PITPNM2: variants seen among roughly 807,000 people sequenced by gnomAD.
The protein encoded by PITPNM2 is membrane-associated phosphatidylinositol transfer protein 2.
In PITPNM2, 35 loss-of-function variants were observed where a neutral mutation model predicts 132.2. The ratio of observed to expected loss-of-function variants is 0.26; its 90% CI spans 0.20 to 0.35. The LOEUF (loss-of-function observed/expected upper bound fraction) is 0.35. Among genes scored for constraint, PITPNM2 ranks in the 10% least tolerant of loss-of-function variants. The probability of loss-of-function intolerance (pLI) is 1.00; values close to 1 mark genes in which losing one functional copy is unlikely to be tolerated. For missense variants in PITPNM2, 1,332 were observed against 1,912.0 expected, an observed-to-expected ratio of 0.70 and a Z score of 5.66; for synonymous variants, 738 against 799.2, an observed-to-expected ratio of 0.92 and a Z score of 1.29.
Position 123,011,927 on chromosome 12 carries a change from G to T in PITPNM2, c.415+686C>A, listed in dbSNP as rs77958303. On this transcript the variant is annotated intron_variant, in intron 5 of 25. Coordinates refer to ENST00000320201, the MANE Select transcript of PITPNM2 (RefSeq NM_020845.3). ...AGACCCAGGAAATCCCAGCAGAGGTGGGGGGGTTGGGCCTGGAGCAGCTCC... is the reference window on the plus strand; with the variant it reads ...AGACCCAGGAAATCCCAGCAGAGGTTGGGGGGTTGGGCCTGGAGCAGCTCC... 4.6e-5 allele frequency among the ~76,000 whole-genome samples: 7 copies of T among 152,096 alleles called. No individual in the cohort carries two copies. In the East Asian group the frequency reaches 7.8e-4, roughly 17 times the overall value.
chr12:122,998,636 G>A (rs1414372134), intron 10 of PITPNM2, among the ~76,000 whole-genome samples: 1 of 152,236 alleles, frequency 6.6e-6, no homozygotes, highest in East Asian at 1.9e-4. Context: ...GAAGGGAGCT[G>A]AAGGGAGAGT....
intron 1 of PITPNM2, among the ~76,000 whole-genome samples, chr12:123,149,020 G>C (rs1484205154): frequency 6.6e-6 from 1 of 152,166 alleles, no homozygotes; most frequent in Non-Finnish European, 1.5e-5. Flanking sequence ...AGGAGAGGAG[G>C]CAGAAAAGGT....
At chr12:123,074,583 C>T (rs370806152) in intron 2 of PITPNM2, among the ~76,000 whole-genome samples, 1 of 152,058 alleles carries the variant, frequency 6.6e-6, no homozygotes, top group African/African-American at 2.4e-5. Flanking sequence ...GCAAACACAT[C>T]ACACACCTCA....
In PITPNM2 at chr12:122,995,370, G is replaced by T; in HGVS notation, c.2054+19C>A. ...TTCCCACACCCAGAGGCAAGCCCCA[G>T]CCCCCCAGCCCTGCCCACCTGGACA... is the stretch of plus-strand genomic sequence containing the variant. On this transcript the variant is annotated intron_variant, in intron 14 of 25. Transcript: ENST00000320201. The T allele has an allele frequency of 6.4e-7, 1 of 1,566,994 alleles. No individual in the cohort carries two copies.
chr12:123,020,779 T>C (rs2136320128), intron 3 of PITPNM2, among the ~76,000 whole-genome samples: 1 of 151,950 alleles, frequency 6.6e-6, no homozygotes, highest in South Asian at 2.1e-4. Flanking sequence ...TCCCAGCACT[T>C]TGGGAGGCTG....
intron 2 of PITPNM2, among the ~76,000 whole-genome samples, chr12:123,102,141 T>C (rs1790094): frequency 0.55 from 82,914 of 152,080 alleles, 27,140 homozygotes; most frequent in Non-Finnish European, 0.71. Context: ...TGCAAGGAAG[T>C]CCCCAGCAAG....
intron 19 of PITPNM2, 100 bp from the exon 20 acceptor site, chr12:122,988,450 TG>T (rs2038034171): frequency 1.9e-6 from 2 of 1,036,990 alleles, no homozygotes; most frequent in East Asian, 4.8e-5. Flanking sequence ...GAGGAGCCTG[TG>T]GGTTGTAGGG....
chr12:122,986,204 G>T lies in PITPNM2; in HGVS notation c.3873C>A (p.Asn1291Lys). The change falls in exon 26 of 26, where the codon AAC (asparagine) becomes AAA (lysine). Residue 1291 changes from asparagine (N) to lysine (K), a missense_variant. By Grantham distance (94) the Asn-to-Lys change is moderately conservative. Transcript: ENST00000320201. ...GGGCCGAGATGGTGCGAAGCAGGTG[G>T]TTCCGGGAGCGCAGAAAGTCGCCCT... is the stretch of plus-strand genomic sequence containing the variant. Reference protein sequence around the residue: ...PGQGDFLRSRNHLLRTISAQP... With the variant: ...PGQGDFLRSRKHLLRTISAQP... 1 of 1,558,920 alleles carries T rather than the reference G, an allele frequency of 6.4e-7. No homozygotes were observed. Among genetic ancestry groups the T allele is most frequent in the Non-Finnish European group, 8.6e-7 (1 of 1,156,526 alleles).
intron 2 of PITPNM2, among the ~76,000 whole-genome samples, chr12:123,072,038 T>C (rs58490757): frequency 0.05 from 7,610 of 152,238 alleles, 633 homozygotes; most frequent in African/African-American, 0.17. Flanking sequence ...TTCCCCATTC[T>C]CTGTCTGCAC....
chr12:123,124,514 C>T (rs908207139), intron 1 of PITPNM2, among the ~76,000 whole-genome samples: 1 of 152,094 alleles, frequency 6.6e-6, no homozygotes, highest in African/African-American at 2.4e-5. Context: ...AACTAGCAAC[C>T]ATCACTGTCT....
At chr12:123,149,224 T>G (rs1315806539) in intron 1 of PITPNM2, among the ~76,000 whole-genome samples, 2 of 152,172 alleles carry the variant, frequency 1.3e-5, no homozygotes, top group African/African-American at 4.8e-5. Flanking sequence ...CTCCCACGCC[T>G]GAGCAGCTGG....
intron 10 of PITPNM2, among the ~76,000 whole-genome samples, chr12:122,999,364 G>C (rs2038560105): frequency 6.6e-6 from 1 of 152,188 alleles, no homozygotes; most frequent in Non-Finnish European, 1.5e-5. Flanking sequence ...CCAGGGCAGA[G>C]GGGGCCACCA....
At chr12:123,057,290 G>T (rs1330129119) in intron 2 of PITPNM2, among the ~76,000 whole-genome samples, 1 of 149,844 alleles carries the variant, frequency 6.7e-6, no homozygotes, top group Non-Finnish European at 1.5e-5. Flanking sequence ...TGAGGCAGGA[G>T]AATCGCTTGA....
intron 2 of PITPNM2, among the ~76,000 whole-genome samples, chr12:123,067,758 C>T (rs1044916171): frequency 5.9e-5 from 9 of 152,256 alleles, no homozygotes; most frequent in Middle Eastern, 3.4e-3. Flanking sequence ...TCATTTGTGA[C>T]GGCAGCCCCA....
intron 2 of PITPNM2, chr12:123,089,240 C>A (rs1593005325): frequency 6.6e-6 from 1 of 152,168 alleles, no homozygotes; most frequent in Admixed American, 6.5e-5. Flanking sequence ...CTCTTGGCCT[C>A]GTGAAATTAG....
chr12:123,096,547 G>T (rs2042415614), intron 2 of PITPNM2, among the ~76,000 whole-genome samples: 1 of 152,184 alleles, frequency 6.6e-6, no homozygotes, highest in Admixed American at 6.5e-5. Flanking sequence ...GAATGAGAGA[G>T]AACCCAAAAG....
intron 3 of PITPNM2, among the ~76,000 whole-genome samples, chr12:123,027,656 G>A (rs1167970416): frequency 6.6e-6 from 1 of 152,242 alleles, no homozygotes; most frequent in Admixed American, 6.5e-5. Flanking sequence ...GCTGTGGAGG[G>A]GTGTGAGGGC....
At chr12:123,001,891 C>T (rs898386313) in intron 8 of PITPNM2, among the ~76,000 whole-genome samples, 8 of 151,878 alleles carry the variant, frequency 5.3e-5, no homozygotes, top group South Asian at 2.1e-4. Flanking sequence ...ATTAGTCAGG[C>T]GTGGTGGTGT....
chr12:123,071,947 A>C (rs1470033594), intron 2 of PITPNM2, among the ~76,000 whole-genome samples: 1 of 152,216 alleles, frequency 6.6e-6, no homozygotes, highest in Non-Finnish European at 1.5e-5. Context: ...AGAGTCCTGG[A>C]AAGGGGACTT....
Sources: allele counts gnomAD v4.1 joint callset (sites outside exome capture counted in the v4.1 genomes callset), GRCh38; gene constraint gnomAD v4.1.1; transcripts MANE v1.5; gene names NCBI Gene and HGNC (gene_info 2026-07-23, HGNC 2026-07-21).